The following BRAP variants were observed in gnomAD, a reference collection of about 807,000 sequenced individuals.
The protein encoded by BRAP is BRCA1 associated protein.
Under a neutral mutation model 73.4 loss-of-function variants are expected in BRAP, and 42 were observed. That is an observed-to-expected ratio of 0.57 (90% confidence interval 0.45 to 0.74). The LOEUF is 0.74. Among genes scored for constraint, BRAP ranks in the 30% least tolerant of loss-of-function variants. The pLI is 0.00. For synonymous variants in BRAP, 255 were observed against 267.4 expected, an observed-to-expected ratio of 0.95 and a Z score of 0.45; for missense variants, 593 against 751.4, an observed-to-expected ratio of 0.79 and a Z score of 2.46.
At chr12:111,683,433 A>G in intron 1 of BRAP, 126 bp from the exon 2 acceptor site, 8 of 1,098,966 alleles carry the variant, frequency 7.3e-6, no homozygotes, top group South Asian at 3.2e-5. Context: ...AAGCCTTTGT[A>G]GTATCCATCT....
intron 2 of BRAP, among the ~76,000 whole-genome samples, chr12:111,682,737 C>A (rs917169435): frequency 1.3e-5 from 2 of 151,862 alleles, no homozygotes; most frequent in Non-Finnish European, 2.9e-5. Context: ...CATGGAGAAA[C>A]CTTGTCTCTA....
Position 111,643,989 on chromosome 12 carries a change from C to A in BRAP, c.*210G>T, listed in dbSNP as rs1375720471. ...ATGTGAGGTTAGTGAACTCTTAAGA[C>A]CTTTTCGAACGCAGCGCCTTTCTAT... On this transcript the variant is annotated 3_prime_UTR_variant, in exon 12 of 12. Transcript: ENST00000419234. The A allele has an allele frequency of 1.3e-6, 1 of 751,488 alleles. No individual in the cohort carries two copies. The highest frequency in any genetic ancestry group is 2.8e-5 in the East Asian group (1 of 35,612). The allele number at this position is 751,488 out of a possible 1,614,324, so 46.6% of individuals were successfully genotyped here. A position where few individuals can be genotyped will look rare whatever the true frequency, so the allele number is the denominator to read the frequency against.
chr12:111,670,056 G>A, intron 5 of BRAP: 1 of 625,910 alleles, frequency 1.6e-6, no homozygotes. Context: ...AAAAGCTGCT[G>A]CTCCTGAAAA....
intron 2 of BRAP, 144 bp from the exon 3 acceptor site, chr12:111,681,979 T>C (rs934029673): frequency 5.1e-6 from 4 of 787,050 alleles, no homozygotes; most frequent in East Asian, 2.8e-5. Flanking sequence ...ATTTGTAGAA[T>C]AGCTGAGTTT....
At chr12:111,670,117 G>A in intron 5 of BRAP, 1 of 619,676 alleles carries the variant, frequency 1.6e-6, no homozygotes, top group South Asian at 1.4e-5. Flanking sequence ...TTTGATCCAA[G>A]TTTGATGGAT....
intron 1 of BRAP, among the ~76,000 whole-genome samples, chr12:111,684,702 CTT>C (rs761371635): frequency 6.7e-5 from 10 of 150,196 alleles, no homozygotes; most frequent in Admixed American, 1.3e-4. Flanking sequence ...GACTTTATCT[CTT>C]GTCGCCCAGG....
intron 4 of BRAP, among the ~76,000 whole-genome samples, chr12:111,677,790 C>G (rs111811825): frequency 7.2e-5 from 11 of 152,314 alleles, no homozygotes; most frequent in African/African-American, 2.6e-4. Context: ...TTAATGTCAA[C>G]TTGTAAACTT....
intron 7 of BRAP, among the ~76,000 whole-genome samples, chr12:111,659,987 AG>A (rs1304810816): frequency 6.6e-6 from 1 of 151,262 alleles, no homozygotes; most frequent in Non-Finnish European, 1.5e-5. Context: ...GATGGGAGGA[AG>A]GCTTGAGCCC....
In BRAP at chr12:111,681,740, C is replaced by T; in HGVS notation, c.340G>A (p.Ala114Thr). ...AGCTGTTTGGACGGAGAATCTGGGGCAGCGTTTATGCATTCCTTACTGTGA... is the reference window on the plus strand; with the variant it reads ...AGCTGTTTGGACGGAGAATCTGGGGTAGCGTTTATGCATTCCTTACTGTGA... ...KDHSKECINAAPDSPSKQLPD... is the reference protein window; with the variant it reads ...KDHSKECINATPDSPSKQLPD... Residue 114 changes from alanine (A) to threonine (T), a missense_variant, in exon 3 of 12, where the codon GCC becomes ACC. Transcript: ENST00000419234. The T allele has an allele frequency of 6.2e-7, 1 of 1,614,112 alleles. No homozygotes were observed. Among genetic ancestry groups the T allele is most frequent in the Non-Finnish European group, 8.5e-7 (1 of 1,179,988 alleles).
At position 111,665,185 on chromosome 12, in the gene BRAP, A is replaced by G. The variant is rs1293572095; in HGVS notation, c.896+454T>C. Among the ~76,000 whole-genome samples the G allele has an allele frequency of 6.6e-6, 1 of 152,140 alleles. No homozygotes were observed. Among genetic ancestry groups the G allele is most frequent in the Non-Finnish European group, 1.5e-5 (1 of 68,028 alleles). ...TGGGAATCAGGAGGCTGTAGAGTAG[A>G]TCTCATACTTAGTAACTGCTATTTC... On this transcript the variant is annotated intron_variant, in intron 6 of 11. Transcript: ENST00000419234. The surrounding 1 kb of genome is among the most constrained non-coding windows in gnomAD (Gnocchi z 4.3).
intron 6 of BRAP, among the ~76,000 whole-genome samples, chr12:111,661,382 C>CAA (rs1886747814): frequency 6.6e-6 from 1 of 151,050 alleles, no homozygotes; most frequent in Non-Finnish European, 1.5e-5. Flanking sequence ...TAGGTTCAAG[C>CAA]AATTCTCCTG....
chr12:111,668,256 G>A (rs1887033714), intron 5 of BRAP, among the ~76,000 whole-genome samples: 1 of 152,040 alleles, frequency 6.6e-6, no homozygotes, highest in African/African-American at 2.4e-5. Flanking sequence ...AATTTAAATT[G>A]GATTCACAAG....
At chr12:111,682,591 A>T (rs1887647064) in intron 2 of BRAP, among the ~76,000 whole-genome samples, 1 of 151,488 alleles carries the variant, frequency 6.6e-6, no homozygotes, top group Non-Finnish European at 1.5e-5. Flanking sequence ...CACATTAATG[A>T]TCTGCCACTG....
chr12:111,654,794 C>T lies in BRAP; in HGVS notation c.1311+772G>A, dbSNP rs554940720. Among the ~76,000 whole-genome samples, 12 of 152,278 alleles carry T rather than the reference C, an allele frequency of 7.9e-5. No homozygotes were observed. The East Asian group carries it at 1.9e-3, about 24-fold the overall frequency. On this transcript the variant is annotated intron_variant, in intron 10 of 11. Transcript: ENST00000419234. ...CTGAAGGCCCAAGGATAGGTGGGGA[C>T]TCACAAGGTTACTAAAGTAATCATT...
intron 4 of BRAP, chr12:111,673,007 C>G: frequency 2.2e-6 from 1 of 447,094 alleles, no homozygotes; most frequent in Non-Finnish European, 4.0e-6. Flanking sequence ...GAGTTTTTAC[C>G]TGAACTGGCA....
At chr12:111,670,181 A>G in intron 5 of BRAP, 1 of 613,012 alleles carries the variant, frequency 1.6e-6, no homozygotes. Context: ...CTTGGAGATC[A>G]CTGTAGGCTT....
chr12:111,681,602 ATTGACTAACCCCCAAGAAAAG>A lies in BRAP; in HGVS notation c.443+14_443+34del. ...GCAAAGCAAAAAAAAAAAAAAAAAA[ATTGACTAACCCCCAAGAAAAG>A]AGGGTTTTCTTACTTTGTCTTATAT... On this transcript the variant is annotated intron_variant, in intron 3 of 11. Transcript: ENST00000419234. 6.8e-7 allele frequency: 1 copy of A among 1,476,284 alleles called. No individual in the cohort carries two copies. Among genetic ancestry groups the A allele is most frequent in the South Asian group, 1.3e-5 (1 of 77,216 alleles). The allele number at this position is 1,476,284 out of a possible 1,614,324, so 91.4% of individuals were successfully genotyped here. A position where few individuals can be genotyped will look rare whatever the true frequency, so the allele number is the denominator to read the frequency against.
rs369279510 is a variant in BRAP at position 111,655,665 on chromosome 12, T to C, written c.1222-10A>G. The C allele has an allele frequency of 2.1e-5, 34 of 1,597,702 alleles. No homozygotes were observed. Among genetic ancestry groups the C allele is most frequent in the Middle Eastern group, 1.7e-4 (1 of 6,058 alleles). On this transcript the variant is annotated splice_polypyrimidine_tract_variant and intron_variant, in intron 9 of 11. Coordinates refer to ENST00000419234, the MANE Select transcript of BRAP (RefSeq NM_006768.5). ...TTAGTAAATATGAATACTAGAAACA[T>C]AGAGAATAAAGACCAAAATGTAAGT...
In BRAP at chr12:111,643,202, T is replaced by G. The variant is rs1394277841; in HGVS notation, c.*997A>C. ...AAGGGGGCTCTGTTGAAATTCTAAT[T>G]TTAGGATTTAGAAACAGCTTTTGGT... On this transcript the variant is annotated 3_prime_UTR_variant, in exon 12 of 12. Transcript: ENST00000419234. 6.6e-6 allele frequency: 1 copy of G among 152,166 alleles called. No homozygotes were observed. Among genetic ancestry groups the G allele is most frequent in the Non-Finnish European group, 1.5e-5 (1 of 68,040 alleles). The allele number at this position is 152,166 out of a possible 1,614,324, so 9.4% of individuals were successfully genotyped here. A position where few individuals can be genotyped will look rare whatever the true frequency, so the allele number is the denominator to read the frequency against.
Sources: allele counts gnomAD v4.1 joint callset (sites outside exome capture counted in the v4.1 genomes callset), GRCh38; gene constraint gnomAD v4.1.1; non-coding constraint Gnocchi (gnomAD v3.1); transcripts MANE v1.5; gene names NCBI Gene and HGNC (gene_info 2026-07-23, HGNC 2026-07-21).